CHD1L: variants seen among roughly 807,000 people sequenced by gnomAD.
The protein encoded by CHD1L is chromodomain helicase DNA binding protein 1 like, also known as ATP-dependent chromatin remodeler CHD1L.
A neutral mutation model predicts 115.9 loss-of-function variants in CHD1L; 118 were observed. The observed-to-expected ratio is 1.02, with a 90% CI of 0.88 to 1.19. The LOEUF (loss-of-function observed/expected upper bound fraction) is 1.19, where lower values mean the gene tolerates loss of function less well. Ranked by LOEUF, CHD1L falls within the 50% of genes most tolerant of loss-of-function variation. The pLI is 0.00. For synonymous variants in CHD1L, 411 were observed against 387.1 expected (o/e 1.06, Z -0.72); for missense variants, 1,179 against 1,065.3 (o/e 1.11, Z -1.49).
At chr1:147,231,100 G>A in the CHD1L span, among the ~76,000 whole-genome samples, 2 of 152,066 alleles carry the variant, frequency 1.3e-5, no homozygotes, top group East Asian at 1.9e-4. Flanking sequence ...TGTGACGTTA[G>A]GGTGTCAATT....
At chr1:147,246,060 A>T (rs1553933636) in intron 1 of CHD1L, among the ~76,000 whole-genome samples, 1 of 152,078 alleles carries the variant, frequency 6.6e-6, no homozygotes, top group Non-Finnish European at 1.5e-5. Context: ...CTTCTACCTC[A>T]CCAATTCCTT....
chr1:147,259,725 G>C (rs1418829412), intron 5 of CHD1L, 112 bp from the exon 6 acceptor site: 1 of 822,820 alleles, frequency 1.2e-6, no homozygotes, highest in African/African-American at 1.7e-5. Flanking sequence ...GTAATAGAAG[G>C]GGCTTACTGT....
chr1:147,232,799 T>C, the CHD1L span, among the ~76,000 whole-genome samples: 2 of 152,202 alleles, frequency 1.3e-5, no homozygotes, highest in South Asian at 2.1e-4. Context: ...GTTCACTCAG[T>C]GCTCAATGGT....
chr1:147,208,729 A>G, the CHD1L span: 3 of 753,392 alleles, frequency 4.0e-6, no homozygotes, highest in East Asian at 5.4e-5. Flanking sequence ...GTGAGCCACC[A>G]TGCCCAGCCA....
intron 10 of CHD1L, among the ~76,000 whole-genome samples, chr1:147,269,256 A>G (rs1553951019): frequency 2.0e-5 from 3 of 152,186 alleles, no homozygotes; most frequent in African/African-American, 4.8e-5. Context: ...GTAACTTGGC[A>G]TTGAATTGAC....
the CHD1L span, chr1:147,178,086 C>A: frequency 1.3e-5 from 18 of 1,423,938 alleles, no homozygotes; most frequent in Non-Finnish European, 1.6e-5. Flanking sequence ...CGCGACCCTT[C>A]CGGCTGCCCC....
At chr1:147,287,047 T>G (rs1553966565) in intron 18 of CHD1L, among the ~76,000 whole-genome samples, 1 of 152,242 alleles carries the variant, frequency 6.6e-6, no homozygotes, top group Non-Finnish European at 1.5e-5. Flanking sequence ...ACATTACCTA[T>G]GTATTTGTTT....
Position 147,295,601 on chromosome 1 carries a change from C to A in CHD1L, c.*92C>A. On this transcript the variant is annotated 3_prime_UTR_variant, in exon 23 of 23. Coordinates refer to ENST00000369258, the MANE Select transcript of CHD1L (RefSeq NM_004284.6). ...GAGTATTTCAAAATGGAATCAGGAT[C>A]TGGTGGGCCTCAGAAATTGTCTCTT... 1 of 898,888 alleles carries A rather than the reference C, an allele frequency of 1.1e-6. No homozygotes were observed. The highest frequency in any genetic ancestry group is 1.7e-6 in the Non-Finnish European group (1 of 595,962). The allele number at this position is 898,888 out of a possible 1,614,324, so 55.7% of individuals were successfully genotyped here.
At chr1:147,179,489 C>A in the CHD1L span, 74 of 1,575,318 alleles carry the variant, frequency 4.7e-5, 2 homozygotes, top group South Asian at 7.9e-4. Flanking sequence ...CTCCAGCCAA[C>A]AAGAAGCTAA....
chr1:147,236,713 C>T, the CHD1L span, among the ~76,000 whole-genome samples: 1 of 152,160 alleles, frequency 6.6e-6, no homozygotes, highest in Non-Finnish European at 1.5e-5. Context: ...CAGCTCTTAG[C>T]AGAGAGTAGA....
chr1:147,236,148 G>A, the CHD1L span, among the ~76,000 whole-genome samples: 1 of 152,186 alleles, frequency 6.6e-6, no homozygotes, highest in Non-Finnish European at 1.5e-5. Flanking sequence ...GCTGGACCAG[G>A]GGTGCCACAA....
the CHD1L span, chr1:147,213,294 G>C: frequency 2.5e-6 from 4 of 1,593,976 alleles, no homozygotes; most frequent in Middle Eastern, 1.7e-4. Context: ...CTTCCTTCCT[G>C]GTAAGCTGCT....
chr1:147,283,194 G>A (rs1681608274), intron 15 of CHD1L, among the ~76,000 whole-genome samples: 1 of 151,978 alleles, frequency 6.6e-6, no homozygotes, highest in Non-Finnish European at 1.5e-5. Context: ...TTTTCTACTT[G>A]TTGATAGAGT....
intron 19 of CHD1L, among the ~76,000 whole-genome samples, chr1:147,288,195 C>T (rs1457586497): frequency 2.0e-5 from 3 of 151,668 alleles, no homozygotes; most frequent in Non-Finnish European, 4.4e-5. Flanking sequence ...TGTGGTGGTG[C>T]ATGCCCGTAG....
chr1:147,182,134 C>T, the CHD1L span, among the ~76,000 whole-genome samples: 1 of 152,162 alleles, frequency 6.6e-6, no homozygotes, highest in Non-Finnish European at 1.5e-5. Context: ...TTCTTAATAA[C>T]AGAACCTTGA....
chr1:147,252,781 TC>T (rs1262282477), intron 2 of CHD1L, 46 bp downstream of exon 2: 10 of 1,397,982 alleles, frequency 7.2e-6, no homozygotes, highest in African/African-American at 1.4e-5. Flanking sequence ...CTGCGATACT[TC>T]CTTATAACTC....
chr1:147,286,042 A>G (rs12760570), intron 17 of CHD1L, among the ~76,000 whole-genome samples: 103,611 of 152,060 alleles, frequency 0.68, 35,409 homozygotes, highest in African/African-American at 0.71. Flanking sequence ...CTGACAAAGA[A>G]TAATTTACTT....
chr1:147,260,163 A>G (rs986808023), intron 6 of CHD1L: 3 of 350,934 alleles, frequency 8.5e-6, no homozygotes, highest in Non-Finnish European at 1.6e-5. Context: ...ATACATCGCT[A>G]TCACTCAAAG....
chr1:147,209,945 C>T, the CHD1L span: 5 of 152,224 alleles, frequency 3.3e-5, no homozygotes, highest in African/African-American at 4.8e-5. Flanking sequence ...CTCCTAATTT[C>T]TGTCTCTTCA....
Sources: allele counts gnomAD v4.1 joint callset (sites outside exome capture counted in the v4.1 genomes callset), GRCh38; gene constraint gnomAD v4.1.1; transcripts MANE v1.5; gene names NCBI Gene and HGNC (gene_info 2026-07-23, HGNC 2026-07-21).